TG: variants seen among roughly 807,000 people sequenced by gnomAD.
TG encodes the protein thyroglobulin.
In TG, 270 loss-of-function variants were observed where a neutral mutation model predicts 324.7. That is an observed-to-expected ratio of 0.83 (90% confidence interval 0.75 to 0.92). TG has a LOEUF of 0.92. Among genes scored for constraint, TG ranks in the 40% least tolerant of loss-of-function variants. TG has a pLI of 0.00. For synonymous variants in TG, 1,401 were observed against 1,327.0 expected (o/e 1.06, Z -1.21); for missense variants, 3,591 against 3,456.4 (o/e 1.04, Z -0.98).
intron 16 of TG, among the ~76,000 whole-genome samples, chr8:132,902,831 A>G (rs948397309): frequency 6.6e-6 from 1 of 152,312 alleles, no homozygotes; most frequent in African/African-American, 2.4e-5. Flanking sequence ...GGAAGACTGT[A>G]TGTGGCTTGG....
chr8:132,903,901 A>ATCT (rs1232224956), intron 16 of TG, among the ~76,000 whole-genome samples: 2 of 152,222 alleles, frequency 1.3e-5, no homozygotes, highest in African/African-American at 2.4e-5. Context: ...AATTAAGACA[A>ATCT]TCTCTGTAAA....
At chr8:133,102,117 A>G (rs1849333725) in intron 43 of TG, among the ~76,000 whole-genome samples, 1 of 152,236 alleles carries the variant, frequency 6.6e-6, no homozygotes, top group Non-Finnish European at 1.5e-5. Context: ...TTTTAATTTT[A>G]ATATTAAGAT....
At chr8:132,972,814 A>ATTGGTGAGTAGATTGGACAATG (rs1829718624) in intron 34 of TG, 73 bp downstream of exon 34, 1 of 1,583,796 alleles carries the variant, frequency 6.3e-7, no homozygotes. Context: ...TTAGGACAAT[A>ATTGGTGAGTAGATTGGACAATG]TTCTTGGATT....
rs142860705 is a variant in TG, at chr8:132,922,318, TTTGACTAGCATTTA to T, written c.4529-1015_4529-1002del. On this transcript the variant is annotated intron_variant, in intron 21 of 47. Coordinates refer to ENST00000220616, the MANE Select transcript of TG (RefSeq NM_003235.5). ...GGATATAGAGGTATTCATCCATGGA[TTTGACTAGCATTTA>T]TTGATTTTGGACAGAAGCTTGTTTT... Among the ~76,000 whole-genome samples, 551 of 152,338 alleles carry T rather than the reference TTTGACTAGCATTTA, an allele frequency of 3.6e-3. 2 individuals carry two copies. Among genetic ancestry groups the T allele is most frequent in the African/African-American group, 0.013 (523 of 41,570 alleles).
chr8:133,047,481 G>A, intron 41 of TG: 2 of 242,096 alleles, frequency 8.3e-6, no homozygotes, highest in South Asian at 9.2e-5. Context: ...GAGCTTGAGA[G>A]CACAGCCCAG....
At chr8:132,911,252 C>G (rs150331872) in intron 18 of TG, 125 bp from the exon 19 acceptor site, 2 of 1,564,758 alleles carry the variant, frequency 1.3e-6, no homozygotes, top group Non-Finnish European at 1.7e-6. Context: ...CCTTGACCCC[C>G]TGAAGTAGGG....
chr8:133,094,837 C>T (rs1048760247), intron 41 of TG: 4 of 678,326 alleles, frequency 5.9e-6, no homozygotes, highest in Non-Finnish European at 1.0e-5. Flanking sequence ...AAACTGAGGC[C>T]TAGAGAGACA....
chr8:132,893,898 T>A lies in TG; in HGVS notation c.2970T>A (p.Ser990Arg). The A allele has an allele frequency of 1.9e-6, 3 of 1,613,680 alleles. No individual in the cohort carries two copies. Among genetic ancestry groups the A allele is most frequent in the Non-Finnish European group, 2.5e-6 (3 of 1,179,904 alleles). ...EAFAEQFLRG[S>R]DYAIRLAAQS... ...TCGCGGAGCAGTTTCTGCGTGGGAG[T>A]GATTACGCCATTCGCCTGGCGGCTC... The change falls in exon 11 of 48, where the codon AGT becomes AGA. Residue 990 changes from serine (S) to arginine (R), a missense_variant. By Grantham distance (110) the Ser-to-Arg change is moderately radical. Coordinates refer to ENST00000220616, the MANE Select transcript of TG (RefSeq NM_003235.5).
chr8:133,019,584 C>T lies in TG; in HGVS notation c.6783-18C>T. On this transcript the variant is annotated intron_variant, in intron 38 of 47. Coordinates refer to ENST00000220616, the MANE Select transcript of TG (RefSeq NM_003235.5). ...GTGATGGAGCATGTCTTGGAAGTCA[C>T]CCAGTCTGTATCTGCAGGGCCAGCT... is the stretch of plus-strand genomic sequence containing the variant. 1 of 1,611,564 alleles carries T rather than the reference C, an allele frequency of 6.2e-7. No individual in the cohort carries two copies. The highest frequency in any genetic ancestry group is 1.1e-5 in the South Asian group (1 of 90,898).
At chr8:133,036,275 A>G (rs953044184) in intron 41 of TG, among the ~76,000 whole-genome samples, 1 of 152,116 alleles carries the variant, frequency 6.6e-6, no homozygotes, top group African/African-American at 2.4e-5. Flanking sequence ...ATCATTACCA[A>G]GCATCTTGTT....
Position 132,899,551 on chromosome 8 carries a change from A to G in TG, c.3330+641A>G, listed in dbSNP as rs1817622413. The stretch of plus-strand genomic sequence containing the variant: ...GCAGTGTTGAAACTCATGAAACTGT[A>G]CAGTACTAAGCAAAAGTTTCCTTAT... On this transcript the variant is annotated intron_variant, in intron 14 of 47. Coordinates refer to ENST00000220616, the MANE Select transcript of TG (RefSeq NM_003235.5). 1.3e-5 allele frequency among the ~76,000 whole-genome samples: 2 copies of G among 152,252 alleles called. 1 individual carries two copies. Among genetic ancestry groups the G allele is most frequent in the South Asian group, 4.1e-4 (2 of 4,830 alleles).
intron 43 of TG, among the ~76,000 whole-genome samples, chr8:133,106,889 G>A (rs1262202217): frequency 2.6e-5 from 4 of 152,184 alleles, no homozygotes; most frequent in African/African-American, 9.7e-5. Flanking sequence ...GGCATACTCA[G>A]GCACTCCGAG....
intron 41 of TG, among the ~76,000 whole-genome samples, chr8:133,043,524 G>A (rs1838723778): frequency 6.6e-6 from 1 of 152,172 alleles, no homozygotes; most frequent in Non-Finnish European, 1.5e-5. Context: ...AGGCTATGCT[G>A]AACGCACTAC....
At chr8:133,097,977 G>T (rs1054292341) in intron 43 of TG, among the ~76,000 whole-genome samples, 4 of 152,090 alleles carry the variant, frequency 2.6e-5, no homozygotes, top group African/African-American at 9.7e-5. Context: ...GCAAGGGGGG[G>T]TGTCAAGTAA....
At chr8:133,070,543 G>A (rs1027110206) in intron 41 of TG, among the ~76,000 whole-genome samples, 1 of 152,140 alleles carries the variant, frequency 6.6e-6, no homozygotes, top group African/African-American at 2.4e-5. Context: ...GGGTCGTACA[G>A]CTAGCTCAGG....
At chr8:133,045,935 G>C (rs1468789929) in intron 41 of TG, among the ~76,000 whole-genome samples, 1 of 152,060 alleles carries the variant, frequency 6.6e-6, no homozygotes, top group Non-Finnish European at 1.5e-5. Flanking sequence ...CTTTTCCTTT[G>C]TCTATACTCT....
intron 24 of TG, among the ~76,000 whole-genome samples, chr8:132,933,971 G>A (rs1052790034): frequency 1.3e-5 from 2 of 152,088 alleles, no homozygotes; most frequent in African/African-American, 4.8e-5. Flanking sequence ...AAGATGTGAG[G>A]GGGCCCTAAA....
chr8:133,069,195 A>G (rs1843566962), intron 41 of TG, among the ~76,000 whole-genome samples: 2 of 152,268 alleles, frequency 1.3e-5, no homozygotes, highest in Non-Finnish European at 2.9e-5. Flanking sequence ...CACAGGGACT[A>G]TAAAGTCCGT....
chr8:133,055,361 G>GCACACACA (rs746605171), intron 41 of TG, among the ~76,000 whole-genome samples: 1 of 131,658 alleles, frequency 7.6e-6, no homozygotes, highest in African/African-American at 2.6e-5. Context: ...ACACACGCAC[G>GCACACACA]CGCGCACACA....
Sources: gnomAD v4.1 joint callset for allele counts (sites outside exome capture counted in the v4.1 genomes callset) on GRCh38, gnomAD v4.1.1 for gene constraint, MANE v1.5 for transcripts, NCBI Gene and HGNC (gene_info 2026-07-23, HGNC 2026-07-21) for gene names.